MGAT4C: variants seen among roughly 807,000 people sequenced by gnomAD.
The protein encoded by MGAT4C is MGAT4 family member C.
A neutral mutation model predicts 40.1 loss-of-function variants in MGAT4C; 19 were observed. The ratio of observed to expected loss-of-function variants is 0.47; its 90% CI spans 0.33 to 0.70. The LOEUF (loss-of-function observed/expected upper bound fraction) is 0.70. Among genes scored for constraint, MGAT4C ranks in the 30% least tolerant of loss-of-function variants. The probability of loss-of-function intolerance (pLI) is 0.02; values close to 1 mark genes in which losing one functional copy is unlikely to be tolerated. For synonymous variants in MGAT4C, 181 were observed against 187.1 expected (o/e 0.97, Z 0.27); for missense variants, 491 against 563.2 (o/e 0.87, Z 1.30).
chr12:86,806,498 C>T (rs1044732498), intron 1 of MGAT4C, among the ~76,000 whole-genome samples: 1 of 151,610 alleles, frequency 6.6e-6, no homozygotes, highest in African/African-American at 2.4e-5. Flanking sequence ...AACTTTACCA[C>T]GTGTGTAAGT....
At chr12:86,616,600 T>C (rs117971630) in intron 2 of MGAT4C, among the ~76,000 whole-genome samples, 1,833 of 152,250 alleles carry the variant, frequency 0.012, 13 homozygotes, top group Non-Finnish European at 0.019. Context: ...ATATAAATCT[T>C]CTTCAAAAAT....
chr12:86,020,913 A>C (rs920947565), intron 2 of MGAT4C, among the ~76,000 whole-genome samples: 35 of 152,332 alleles, frequency 2.3e-4, no homozygotes, highest in Middle Eastern at 3.4e-3. Flanking sequence ...CAACCCCATC[A>C]AAAAGTGGGC....
chr12:85,970,344 A>G lies in MGAT4C; in HGVS notation c.*8945T>C, dbSNP rs1354244810. ...AAATGAATCAAATGGTAAATTTTGA[A>G]TCATCTGGTAAAAATGGACAAAATT... On this transcript the variant is annotated 3_prime_UTR_variant, in exon 5 of 5. Coordinates refer to ENST00000611864, the MANE Select transcript of MGAT4C (RefSeq NM_001351288.2). 6.6e-6 allele frequency: 1 copy of G among 151,300 alleles called. No homozygotes were observed. The highest frequency in any genetic ancestry group is 2.4e-5 in the African/African-American group (1 of 41,380). 9.4% of individuals were successfully genotyped at this position (151,300 alleles called of 1,614,324 possible).
chr12:86,225,171 T>C (rs1186906514), intron 1 of MGAT4C, among the ~76,000 whole-genome samples: 2 of 152,054 alleles, frequency 1.3e-5, no homozygotes, highest in East Asian at 1.9e-4. Flanking sequence ...AACTGTTATA[T>C]GCTAACAAAC....
chr12:86,024,786 AG>A (rs1159065251), intron 2 of MGAT4C, among the ~76,000 whole-genome samples: 8 of 151,864 alleles, frequency 5.3e-5, no homozygotes, highest in African/African-American at 1.9e-4. Context: ...GTGAAGAATA[AG>A]TATCTGTGTT....
intron 2 of MGAT4C, among the ~76,000 whole-genome samples, chr12:86,561,461 G>A (rs1959859135): frequency 6.6e-6 from 1 of 152,194 alleles, no homozygotes; most frequent in Non-Finnish European, 1.5e-5. Flanking sequence ...GAGCAGACAT[G>A]CTGAGTTTTC....
At chr12:86,091,480 G>T (rs1872875842) in intron 1 of MGAT4C, among the ~76,000 whole-genome samples, 1 of 151,878 alleles carries the variant, frequency 6.6e-6, no homozygotes, top group Non-Finnish European at 1.5e-5. Context: ...GCTAACAGGA[G>T]GATTAAAAGC....
chr12:86,065,586 A>G (rs1292080505), intron 1 of MGAT4C, among the ~76,000 whole-genome samples: 1 of 152,178 alleles, frequency 6.6e-6, no homozygotes, highest in Non-Finnish European at 1.5e-5. Context: ...ATTTATGACA[A>G]ACTGGCAGTC....
chr12:86,160,298 C>A (rs1885453072), intron 1 of MGAT4C, among the ~76,000 whole-genome samples: 1 of 151,884 alleles, frequency 6.6e-6, no homozygotes, highest in Non-Finnish European at 1.5e-5. Flanking sequence ...GTTTGCTCAG[C>A]AGTTATTTAG....
intron 1 of MGAT4C, among the ~76,000 whole-genome samples, chr12:86,157,634 T>C (rs2135789354): frequency 1.3e-5 from 2 of 152,258 alleles, no homozygotes; most frequent in African/African-American, 4.8e-5. Context: ...AGAGATTTAA[T>C]TGATGTACAA....
intron 1 of MGAT4C, among the ~76,000 whole-genome samples, chr12:86,215,381 A>AT (rs1344213754): frequency 1.5e-4 from 23 of 152,202 alleles, no homozygotes; most frequent in African/African-American, 4.8e-4. Flanking sequence ...AAAGTGTTAA[A>AT]TTTTATTTGG....
intron 2 of MGAT4C, among the ~76,000 whole-genome samples, chr12:86,010,269 T>A (rs1050321283): frequency 6.6e-6 from 1 of 152,160 alleles, no homozygotes; most frequent in Non-Finnish European, 1.5e-5. Flanking sequence ...GAAATAAAGA[T>A]GATTGTAAAA....
chr12:86,142,718 T>TG (rs982734056), intron 1 of MGAT4C, among the ~76,000 whole-genome samples: 51 of 151,766 alleles, frequency 3.4e-4, no homozygotes, highest in African/African-American at 1.1e-3. Flanking sequence ...TCTTTTTTTT[T>TG]TTTGTTTTTT....
intron 1 of MGAT4C, among the ~76,000 whole-genome samples, chr12:86,051,335 A>G (rs1208910299): frequency 6.6e-6 from 1 of 151,990 alleles, no homozygotes; most frequent in Non-Finnish European, 1.5e-5. Flanking sequence ...TGAAAGACTG[A>G]TGAACAAAAT....
upstream of MGAT4C, among the ~76,000 whole-genome samples, chr12:86,258,357 G>T (rs576013177): frequency 6.6e-6 from 1 of 151,270 alleles, no homozygotes; most frequent in African/African-American, 2.4e-5. Context: ...AATTTTTAAA[G>T]ACAAATGTAT....
chr12:86,048,150 T>A (rs1282677190), intron 2 of MGAT4C, among the ~76,000 whole-genome samples: 1 of 152,028 alleles, frequency 6.6e-6, no homozygotes, highest in Non-Finnish European at 1.5e-5. Flanking sequence ...CAAAATCGCG[T>A]CCTTTGCAGC....
chr12:86,708,099 A>T (rs970555494), intron 2 of MGAT4C, among the ~76,000 whole-genome samples: 1 of 152,228 alleles, frequency 6.6e-6, no homozygotes, highest in Non-Finnish European at 1.5e-5. Context: ...AGCCGCTTCC[A>T]TCACAGGCCC....
Position 85,960,798 on chromosome 12 carries a change from A to G in MGAT4C, c.*18491T>C, listed in dbSNP as rs2136641825. On this transcript the variant is annotated 3_prime_UTR_variant, in exon 5 of 5. Coordinates refer to ENST00000611864, the MANE Select transcript of MGAT4C (RefSeq NM_001351288.2). ...CTATTAAGCTGAATCACCAAAAAAA[A>G]ATTTGATATGAAAGTCATACATTGA... 1 of 152,096 alleles carries G rather than the reference A, an allele frequency of 6.6e-6. No individual in the cohort carries two copies. Among genetic ancestry groups the G allele is most frequent in the East Asian group, 1.9e-4 (1 of 5,180 alleles). 9.4% of individuals were successfully genotyped at this position (152,096 alleles called of 1,614,324 possible).
intron 2 of MGAT4C, among the ~76,000 whole-genome samples, chr12:86,451,407 C>G (rs540965124): frequency 6.6e-6 from 1 of 152,250 alleles, no homozygotes; most frequent in Non-Finnish European, 1.5e-5. Context: ...TAGCCAGTCT[C>G]AGGTATTTCT....
Sources: gnomAD v4.1 joint callset for allele counts (sites outside exome capture counted in the v4.1 genomes callset) on GRCh38, gnomAD v4.1.1 for gene constraint, MANE v1.5 for transcripts, NCBI Gene and HGNC (gene_info 2026-07-23, HGNC 2026-07-21) for gene names.